The following NECAB3 variants were observed in gnomAD, a reference collection of about 807,000 sequenced individuals.
The protein encoded by NECAB3 is N-terminal EF-hand calcium-binding protein 3.
In NECAB3, 38 loss-of-function variants were observed where a neutral mutation model predicts 57.2. That is an observed-to-expected ratio of 0.66 (90% CI 0.51 to 0.87). The LOEUF (loss-of-function observed/expected upper bound fraction) is 0.87. NECAB3 is among the 40% of genes least tolerant of loss of function. The pLI is 0.00. For synonymous variants in NECAB3, 223 were observed against 222.6 expected (o/e 1.00, Z -0.02); for missense variants, 474 against 527.5 (o/e 0.90, Z 0.99).
chr20:33,658,846 G>T lies in NECAB3; in HGVS notation c.880-12C>A, dbSNP rs767339396. On this transcript the variant is annotated splice_polypyrimidine_tract_variant and intron_variant, in intron 8 of 11. Transcript: ENST00000246190. ...GCCATGAGGATGTGCTGGTGGGAGA[G>T]GCAGCCGGTCAGCTGGTGCGGGGCC... The T allele has an allele frequency of 1.2e-6, 2 of 1,607,530 alleles. No homozygotes were observed. Among genetic ancestry groups the T allele is most frequent in the Admixed American group, 3.3e-5 (2 of 59,854 alleles).
Position 33,657,820 on chromosome 20 carries a change from A to G in NECAB3, c.*9T>C, listed in dbSNP as rs994493300. ...GGGTCCCGGGGCCCTCGGCGTGTGC[A>G]GGTCTGGCTCAGTTGTTATTCATTA... is the stretch of plus-strand genomic sequence containing the variant. On this transcript the variant is annotated 3_prime_UTR_variant, in exon 12 of 12. Coordinates refer to ENST00000246190, the MANE Select transcript of NECAB3 (RefSeq NM_031232.4). 9 of 1,532,270 alleles carry G rather than the reference A, an allele frequency of 5.9e-6. No individual in the cohort carries two copies. Among genetic ancestry groups the G allele is most frequent in the South Asian group, 1.2e-5 (1 of 81,142 alleles). The allele number at this position is 1,532,270 out of a possible 1,614,324, so 94.9% of individuals were successfully genotyped here.
rs1005280625 is a variant in NECAB3, at chr20:33,657,811, G to A, written c.*18C>T. On this transcript the variant is annotated 3_prime_UTR_variant, in exon 12 of 12. Transcript: ENST00000246190. ...AGGCAGGCAGGGTCCCGGGGCCCTC[G>A]GCGTGTGCAGGTCTGGCTCAGTTGT... 27 of 1,522,838 alleles carry A rather than the reference G, an allele frequency of 1.8e-5. No homozygotes were observed. The highest frequency in any genetic ancestry group is 6.3e-5 in the South Asian group (5 of 79,586). The allele number at this position is 1,522,838 out of a possible 1,614,324, so 94.3% of individuals were successfully genotyped here. A position where few individuals can be genotyped will look rare whatever the true frequency, so the allele number is the denominator to read the frequency against.
chr20:33,657,276 C>T lies in NECAB3; in HGVS notation c.*553G>A, dbSNP rs2017316698. 1 of 154,020 alleles carries T rather than the reference C, an allele frequency of 6.5e-6. No individual in the cohort carries two copies. Among genetic ancestry groups the T allele is most frequent in the Non-Finnish European group, 1.4e-5 (1 of 69,076 alleles). The allele number at this position is 154,020 out of a possible 1,614,324, so 9.5% of individuals were successfully genotyped here. On this transcript the variant is annotated 3_prime_UTR_variant, in exon 12 of 12. Transcript: ENST00000246190. ...AACGATATGCAAATGACATGCAAAC[C>T]AACCCAGAGGCCTCTGGCACATCCA... is the stretch of plus-strand genomic sequence containing the variant.
chr20:33,657,726 C>T lies in NECAB3; in HGVS notation c.*103G>A. 7.8e-7 allele frequency: 1 copy of T among 1,280,226 alleles called. No individual in the cohort carries two copies. The highest frequency in any genetic ancestry group is 1.1e-6 in the Non-Finnish European group (1 of 949,140). 79.3% of individuals were successfully genotyped at this position (1,280,226 alleles called of 1,614,324 possible). A position where few individuals can be genotyped will look rare whatever the true frequency, so the allele number is the denominator to read the frequency against. ...AGAGCCCTTCCACCAGGCCCAAGTC[C>T]AGGAGGAGACAAGTCCTGGTCTTTG... is the stretch of plus-strand genomic sequence containing the variant. On this transcript the variant is annotated 3_prime_UTR_variant, in exon 12 of 12. Coordinates refer to ENST00000246190, the MANE Select transcript of NECAB3 (RefSeq NM_031232.4).
intron 1 of NECAB3, 74 bp downstream of exon 1, chr20:33,674,150 G>T: frequency 8.2e-7 from 1 of 1,215,816 alleles, no homozygotes; most frequent in South Asian, 4.0e-5. Flanking sequence ...GGCGGGGCCC[G>T]AACAACCCCG....
upstream of NECAB3, chr20:33,674,775 CTCAT>C (rs2017919578): frequency 6.6e-6 from 1 of 152,282 alleles, no homozygotes; most frequent in African/African-American, 2.4e-5. Context: ...ATTGTTGGGA[CTCAT>C]TCAATGTCAA....
chr20:33,669,686 CCA>C lies in NECAB3; in HGVS notation c.288_289del (p.Cys96Ter). On this transcript the variant is annotated stop_gained and frameshift_variant and splice_region_variant, in exon 4 of 12. Transcript: ENST00000246190. LOFTEE classifies it high-confidence loss of function. Reference sequence around the variant, plus strand: ...AAAAGAGCTCCCATGGGCCTACTCACCACACAGTTTTTCTGTTTCTAAATTGC... The same window carrying C: ...AAAAGAGCTCCCATGGGCCTACTCACCACAGTTTTTCTGTTTCTAAATTGC... 1.3e-6 allele frequency: 2 copies of C among 1,596,148 alleles called. No homozygotes were observed. The highest frequency in any genetic ancestry group is 1.7e-6 in the Non-Finnish European group (2 of 1,171,100).
intron 10 of NECAB3, among the ~76,000 whole-genome samples, 183 bp from the exon 11 acceptor site, chr20:33,658,216 C>A (rs1192180299): frequency 6.6e-6 from 1 of 152,198 alleles, no homozygotes; most frequent in Admixed American, 6.5e-5. Flanking sequence ...GGCATTGTCA[C>A]ATACATGGTG....
rs574959596 is a variant in NECAB3 at position 33,660,422 on chromosome 20, A to AT, written c.388-28dup. On this transcript the variant is annotated intron_variant, in intron 5 of 11. Coordinates refer to ENST00000246190, the MANE Select transcript of NECAB3 (RefSeq NM_031232.4). The surrounding 1 kb of genome is among the most constrained non-coding windows in gnomAD (Gnocchi z 4.1). ...TGTGGGCCAAGGAGGGACGGTCAGC[A>AT]TCTCCCAGCCCGGGCACTGATCTCT... 4.4e-4 allele frequency: 700 copies of AT among 1,608,900 alleles called. 3 individuals are homozygous for AT. In the African/African-American group the frequency reaches 8.4e-3, roughly 19 times the overall value.
Position 33,660,155 on chromosome 20 carries a change from C to A in NECAB3, c.524+104G>T. 6.5e-7 allele frequency: 1 copy of A among 1,535,914 alleles called. No individual in the cohort carries two copies. Among genetic ancestry groups the A allele is most frequent in the Non-Finnish European group, 8.8e-7 (1 of 1,141,640 alleles). ...TGGCTACCCTGCCATGGCTTCCCCG[C>A]CCGAAAATGCAGGCTCCAGGATGCT... is the stretch of plus-strand genomic sequence containing the variant. On this transcript the variant is annotated intron_variant, in intron 6 of 11. Transcript: ENST00000246190. This position sits in a 1 kb window ranked among gnomAD's most constrained non-coding sequence, Gnocchi z 4.1.
At chr20:33,667,145 T>G in intron 5 of NECAB3, 1 of 209,850 alleles carries the variant, frequency 4.8e-6, no homozygotes, top group Non-Finnish European at 9.5e-6. Context: ...CGCATCGCGG[T>G]GGTGGTGGAC....
rs1395159748 is a variant in NECAB3, at chr20:33,657,785, G to A, written c.*44C>T. The A allele has an allele frequency of 6.7e-7, 1 of 1,496,392 alleles. No homozygotes were observed. Among genetic ancestry groups the A allele is most frequent in the South Asian group, 1.3e-5 (1 of 74,662 alleles). The allele number at this position is 1,496,392 out of a possible 1,614,324, so 92.7% of individuals were successfully genotyped here. A position where few individuals can be genotyped will look rare whatever the true frequency, so the allele number is the denominator to read the frequency against. Reference sequence around the variant, plus strand: ...TGGCCAGTCCAGAAGGCTCCAGAGGGAGGCAGGCAGGGTCCCGGGGCCCTC... The same window carrying A: ...TGGCCAGTCCAGAAGGCTCCAGAGGAAGGCAGGCAGGGTCCCGGGGCCCTC... On this transcript the variant is annotated 3_prime_UTR_variant, in exon 12 of 12. Coordinates refer to ENST00000246190, the MANE Select transcript of NECAB3 (RefSeq NM_031232.4).
Position 33,674,409 on chromosome 20 carries a change from C to G in NECAB3, c.-57G>C. ...TTGCTGCCGACCCTGGACGCCGCGGCGGACTCGGTGTGGCTAGAGGCCGCC... is the reference window on the plus strand; with the variant it reads ...TTGCTGCCGACCCTGGACGCCGCGGGGGACTCGGTGTGGCTAGAGGCCGCC... On this transcript the variant is annotated 5_prime_UTR_variant, in exon 1 of 12. Coordinates refer to ENST00000246190, the MANE Select transcript of NECAB3 (RefSeq NM_031232.4). 1 of 1,113,292 alleles carries G rather than the reference C, an allele frequency of 9.0e-7. No homozygotes were observed. The highest frequency in any genetic ancestry group is 1.1e-6 in the Non-Finnish European group (1 of 912,952). The allele number at this position is 1,113,292 out of a possible 1,614,324, so 69.0% of individuals were successfully genotyped here.
At chr20:33,673,888 C>T (rs1270625762) in intron 1 of NECAB3, among the ~76,000 whole-genome samples, 1 of 152,100 alleles carries the variant, frequency 6.6e-6, no homozygotes, top group Non-Finnish European at 1.5e-5. Flanking sequence ...CTTGCGTTTC[C>T]AGGCTCCCCT....
At position 33,657,843 on chromosome 20, in the gene NECAB3, T is replaced by C. The variant is rs76653810; in HGVS notation, c.1177A>G (p.Met393Val). The part of the protein sequence containing the change: ...TVFFPASWWI[M>V]NNN The stretch of plus-strand genomic sequence containing the variant: ...GCAGGTCTGGCTCAGTTGTTATTCA[T>C]TATCCACCAGGAGGCTGGGGGTCAG... The change falls in exon 12 of 12, where the codon ATG becomes GTG. Residue 393 changes from methionine to valine, a missense_variant. Physicochemically the swap from Met to Val is conservative, Grantham distance 21 (BLOSUM62 1). Transcript: ENST00000246190. The C allele has an allele frequency of 3.2e-4, 498 of 1,540,994 alleles. 9 individuals are homozygous for C. The East Asian group carries it at 0.012, about 37-fold the overall frequency.
At position 33,658,815 on chromosome 20, in the gene NECAB3, C is replaced by T. The variant is rs1452377513; in HGVS notation, c.899G>A (p.Arg300Lys). 1.2e-6 allele frequency: 2 copies of T among 1,613,342 alleles called. No homozygotes were observed. The highest frequency in any genetic ancestry group is 1.7e-6 in the Non-Finnish European group (2 of 1,179,912). The change falls in exon 9 of 12, where the codon AGG (arginine) becomes AAG (lysine). Residue 300 changes from arginine to lysine, a missense_variant. Transcript: ENST00000246190. ...GCCTTCCTCTGCCACCTGGACCTGC[C>T]TCTGGGCCATGAGGATGTGCTGGTG... is the stretch of plus-strand genomic sequence containing the variant. ...GPDLHILMAQRQVQVAEEGLQ... is the reference protein window; with the variant it reads ...GPDLHILMAQKQVQVAEEGLQ...
At position 33,657,726 on chromosome 20, in the gene NECAB3, CAGG is replaced by C; in HGVS notation, c.*100_*102del. ...AGAGCCCTTCCACCAGGCCCAAGTC[CAGG>C]AGGAGACAAGTCCTGGTCTTTGCGC... On this transcript the variant is annotated 3_prime_UTR_variant, in exon 12 of 12. Transcript: ENST00000246190. 1 of 1,280,226 alleles carries C rather than the reference CAGG, an allele frequency of 7.8e-7. No individual in the cohort carries two copies. The highest frequency in any genetic ancestry group is 1.6e-5 in the South Asian group (1 of 61,856). 79.3% of individuals were successfully genotyped at this position (1,280,226 alleles called of 1,614,324 possible).
intron 5 of NECAB3, chr20:33,667,755 C>T (rs1412301510): frequency 2.5e-6 from 4 of 1,612,470 alleles, no homozygotes; most frequent in Non-Finnish European, 3.4e-6. Flanking sequence ...GCAGCTGCTA[C>T]GTGTCCCTGG....
chr20:33,672,244 T>C, intron 2 of NECAB3, 154 bp downstream of exon 2: 1 of 899,026 alleles, frequency 1.1e-6, no homozygotes, highest in South Asian at 1.5e-5. Context: ...AGAACAGCAC[T>C]TCCTCTGGGA....
Sources: gnomAD v4.1 joint callset for allele counts (sites outside exome capture counted in the v4.1 genomes callset) on GRCh38, gnomAD v4.1.1 for gene constraint, Gnocchi (gnomAD v3.1) non-coding constraint, MANE v1.5 for transcripts, NCBI Gene and HGNC (gene_info 2026-07-23, HGNC 2026-07-21) for gene names.